RBFOX1: variants seen among roughly 807,000 people sequenced by gnomAD.
RBFOX1 encodes RNA binding protein fox-1 homolog 1.
Under a neutral mutation model 57.7 loss-of-function variants are expected in RBFOX1, and 8 were observed. The ratio of observed to expected loss-of-function variants is 0.14; its 90% CI spans 0.08 to 0.25. RBFOX1 has a LOEUF of 0.25. Among genes scored for constraint, RBFOX1 ranks in the 10% least tolerant of loss-of-function variants. RBFOX1 has a pLI of 1.00. For missense variants in RBFOX1, 611 were observed against 548.5 expected, an observed-to-expected ratio of 1.11 and a Z score of -1.14; for synonymous variants, 326 against 222.4, an observed-to-expected ratio of 1.47 and a Z score of -4.15.
At chr16:6,000,488 C>T (rs1237361662) in intron 4 of RBFOX1, among the ~76,000 whole-genome samples, 1 of 152,162 alleles carries the variant, frequency 6.6e-6, no homozygotes, top group Non-Finnish European at 1.5e-5. Flanking sequence ...GGATCCCGTG[C>T]ATGCCTGTCT....
chr16:6,904,290 G>C (rs2069208181), intron 3 of RBFOX1, among the ~76,000 whole-genome samples: 1 of 152,094 alleles, frequency 6.6e-6, no homozygotes, highest in African/African-American at 2.4e-5. Flanking sequence ...AGGCACGAGT[G>C]GTAGGCTTAT....
At chr16:5,318,252 CCAAGTAGGTGGGATTA>C (rs942726242) in intron 1 of RBFOX1, among the ~76,000 whole-genome samples, 1 of 152,116 alleles carries the variant, frequency 6.6e-6, no homozygotes, top group African/African-American at 2.4e-5. Flanking sequence ...CCTCAGTATC[CCAAGTAGGTGGGATTA>C]CAGGCATTCA....
At chr16:5,486,861 C>T (rs539252424) in intron 2 of RBFOX1, among the ~76,000 whole-genome samples, 25 of 152,088 alleles carry the variant, frequency 1.6e-4, no homozygotes, top group Non-Finnish European at 3.5e-4. Context: ...ACCTGAGACT[C>T]CTTTACTTGA....
chr16:7,217,588 A>G (rs2092311152), intron 4 of RBFOX1, among the ~76,000 whole-genome samples: 1 of 152,138 alleles, frequency 6.6e-6, no homozygotes, highest in South Asian at 2.1e-4. Context: ...ACAAAGGGTC[A>G]TGAGAGGCCT....
At chr16:7,206,805 G>A (rs1465427674) in intron 4 of RBFOX1, among the ~76,000 whole-genome samples, 1 of 152,036 alleles carries the variant, frequency 6.6e-6, no homozygotes, top group Non-Finnish European at 1.5e-5. Context: ...GAGAGTGAAA[G>A]GGGCATTTTA....
intron 4 of RBFOX1, among the ~76,000 whole-genome samples, chr16:5,939,517 C>A (rs1182028420): frequency 6.6e-6 from 1 of 152,166 alleles, no homozygotes; most frequent in African/African-American, 2.4e-5. Flanking sequence ...TCTGAGCATC[C>A]TCACAACATG....
chr16:5,296,683 C>A (rs2063676919), intron 1 of RBFOX1, among the ~76,000 whole-genome samples: 1 of 143,188 alleles, frequency 7.0e-6, no homozygotes, highest in Admixed American at 7.0e-5. Context: ...CTGAGCTAAA[C>A]TTTTTTTTTT....
rs116448246 is a variant in RBFOX1 at position 6,687,673 on chromosome 16, C to T, written c.-16+33023C>T. 3.0e-3 allele frequency among the ~76,000 whole-genome samples: 460 copies of T among 152,220 alleles called. 5 individuals are homozygous for T. Among genetic ancestry groups the T allele is most frequent in the African/African-American group, 0.01 (436 of 41,542 alleles). The stretch of plus-strand genomic sequence containing the variant: ...TTCAGGCTGCTCCTGTTTCATCTAG[C>T]TGTATTTATGTCCTGTATGGTTTTT... On this transcript the variant is annotated intron_variant, in intron 3 of 15. Coordinates refer to ENST00000550418, the MANE Select transcript of RBFOX1 (RefSeq NM_018723.4).
chr16:5,275,104 G>A (rs1187895001), intron 1 of RBFOX1, among the ~76,000 whole-genome samples: 1 of 152,208 alleles, frequency 6.6e-6, no homozygotes, highest in East Asian at 1.9e-4. Context: ...AAGTCCTCAT[G>A]TGACAATATC....
chr16:5,550,095 C>T (rs1388722268), intron 2 of RBFOX1, among the ~76,000 whole-genome samples: 1 of 152,148 alleles, frequency 6.6e-6, no homozygotes, highest in Non-Finnish European at 1.5e-5. Context: ...TCAGATTGTT[C>T]CCTAATATAT....
intron 3 of RBFOX1, among the ~76,000 whole-genome samples, chr16:6,801,494 A>G (rs998184094): frequency 1.3e-5 from 2 of 152,048 alleles, no homozygotes; most frequent in Non-Finnish European, 2.9e-5. Context: ...GTTTATAGTG[A>G]CTCAATAAAA....
chr16:6,685,976 G>A (rs970056053), intron 3 of RBFOX1, among the ~76,000 whole-genome samples: 2 of 152,034 alleles, frequency 1.3e-5, no homozygotes, highest in Non-Finnish European at 2.9e-5. Context: ...ACAAAACCAA[G>A]CAGGTTCTGT....
chr16:7,486,450 A>G (rs550364609), intron 4 of RBFOX1, among the ~76,000 whole-genome samples: 12 of 151,736 alleles, frequency 7.9e-5, no homozygotes, highest in Non-Finnish European at 1.3e-4. Context: ...TGTCTTTTCT[A>G]CGTGGACAGT....
intron 3 of RBFOX1, among the ~76,000 whole-genome samples, chr16:5,844,089 T>G (rs1202286504): frequency 6.6e-6 from 1 of 152,328 alleles, no homozygotes; most frequent in Non-Finnish European, 1.5e-5. Flanking sequence ...TGATGGTTTG[T>G]TTTGCTGGAA....
intron 2 of RBFOX1, among the ~76,000 whole-genome samples, chr16:6,366,859 A>G (rs1306541300): frequency 6.6e-6 from 1 of 152,200 alleles, no homozygotes; most frequent in East Asian, 1.9e-4. Flanking sequence ...TCTCATGAAA[A>G]TATCAGAGTG....
At chr16:7,198,895 A>T (rs555668907) in intron 4 of RBFOX1, among the ~76,000 whole-genome samples, 4 of 152,166 alleles carry the variant, frequency 2.6e-5, no homozygotes, top group African/African-American at 4.8e-5. Flanking sequence ...TTCCCAGGCA[A>T]TGAGTTGGCT....
chr16:7,197,957 C>T (rs139465705), intron 4 of RBFOX1, among the ~76,000 whole-genome samples: 39 of 151,174 alleles, frequency 2.6e-4, no homozygotes, highest in East Asian at 1.9e-3. Flanking sequence ...CTCTTTTTTC[C>T]CCCGTTCCAC....
At chr16:6,948,537 C>G (rs1043385651) in intron 3 of RBFOX1, among the ~76,000 whole-genome samples, 11 of 151,780 alleles carry the variant, frequency 7.2e-5, no homozygotes, top group African/African-American at 2.7e-4. Context: ...CGCCCACCAC[C>G]ATGCCCAGCT....
intron 2 of RBFOX1, among the ~76,000 whole-genome samples, chr16:6,364,549 A>T (rs2089217669): frequency 6.6e-6 from 1 of 152,180 alleles, no homozygotes; most frequent in South Asian, 2.1e-4. Context: ...CCAGCGGTGC[A>T]TGTGAACACA....
Sources: gnomAD v4.1 joint callset for allele counts (sites outside exome capture counted in the v4.1 genomes callset) on GRCh38, gnomAD v4.1.1 for gene constraint, MANE v1.5 for transcripts, NCBI Gene and HGNC (gene_info 2026-07-23, HGNC 2026-07-21) for gene names.